The following RYR2 variants were observed in gnomAD, a reference collection of about 807,000 sequenced individuals.
The protein encoded by RYR2 is cardiac muscle ryanodine receptor-calcium release channel.
RYR2 carries 227 observed loss-of-function variants against 601.1 expected under a neutral mutation model. That is an observed-to-expected ratio of 0.38 (90% CI 0.34 to 0.42). The LOEUF (loss-of-function observed/expected upper bound fraction) is 0.42. Ranked by LOEUF, RYR2 falls within the 10% of genes least tolerant of loss-of-function variation. The pLI is 1.00. For synonymous variants in RYR2, 2,223 were observed against 2,175.1 expected (o/e 1.02, Z -0.61); for missense variants, 4,646 against 6,156.5 (o/e 0.75, Z 8.21).
intron 55 of RYR2, among the ~76,000 whole-genome samples, chr1:237,660,603 G>A (rs1346939877): frequency 6.6e-6 from 1 of 152,078 alleles, no homozygotes; most frequent in Non-Finnish European, 1.5e-5. Context: ...TGAACAAAGC[G>A]AGGATCCCTC....
At chr1:237,211,109 CTA>C (rs770979369) in intron 1 of RYR2, among the ~76,000 whole-genome samples, 7 of 152,176 alleles carry the variant, frequency 4.6e-5, no homozygotes, top group Non-Finnish European at 1.0e-4. Flanking sequence ...GATGGCATTA[CTA>C]TATGGTGACA....
intron 1 of RYR2, among the ~76,000 whole-genome samples, chr1:237,101,299 T>TAAAA (rs374151748): frequency 3.2e-5 from 3 of 94,144 alleles, no homozygotes; most frequent in Non-Finnish European, 6.2e-5. Flanking sequence ...TTTTAGAAGT[T>TAAAA]AAAAAAAAAA....
intron 11 of RYR2, among the ~76,000 whole-genome samples, chr1:237,419,554 G>A (rs1705351862): frequency 6.6e-6 from 1 of 152,082 alleles, no homozygotes; most frequent in Admixed American, 6.6e-5. Flanking sequence ...CTGGGGAAAG[G>A]GAATGCTACT....
intron 70 of RYR2, among the ~76,000 whole-genome samples, chr1:237,710,797 A>T (rs1424362023): frequency 6.6e-6 from 1 of 152,072 alleles, no homozygotes; most frequent in African/African-American, 2.4e-5. Context: ...GCACAGCTGC[A>T]TCCCAGCCTG....
chr1:237,700,249 T>C lies in RYR2; in HGVS notation c.9149T>C (p.Leu3050Pro). 2 of 1,570,782 alleles carry C rather than the reference T, an allele frequency of 1.3e-6. No homozygotes were observed. Among genetic ancestry groups the C allele is most frequent in the Non-Finnish European group, 1.7e-6 (2 of 1,156,414 alleles). Reference protein sequence around the residue: ...LDARTVMKTGLESVKSALRAF... With the variant: ...LDARTVMKTGPESVKSALRAF... ...TCTAGGACAGTGATGAAGACTGGCC[T>C]GGAGAGTGTTAAAAGTGCACTCAGA... The change falls in exon 65 of 105, where the codon CTG (leucine) becomes CCG (proline). Residue 3050 changes from leucine to proline, a missense_variant. Leu to Pro is a moderately conservative substitution (Grantham distance 98). Transcript: ENST00000366574.
chr1:237,785,979 C>A lies in RYR2; in HGVS notation c.13271C>A (p.Ala4424Glu). 6.3e-7 allele frequency: 1 copy of A among 1,591,312 alleles called. No homozygotes were observed. Among genetic ancestry groups the A allele is most frequent in the Non-Finnish European group, 8.6e-7 (1 of 1,167,642 alleles). Reference protein sequence around the residue: ...EVQEKFQEQKAKEEEKEEKEE... With the variant: ...EVQEKFQEQKEKEEEKEEKEE... ...ATTGACTCATTCAAGGAACAGAAGGCAAAAGAAGAAGAAAAGGAAGAAAAA... is the reference window on the plus strand; with the variant it reads ...ATTGACTCATTCAAGGAACAGAAGGAAAAAGAAGAAGAAAAGGAAGAAAAA... Residue 4424 changes from alanine (A) to glutamate (E), a missense_variant, in exon 91 of 105, where the codon GCA (alanine) becomes GAA (glutamate). Coordinates refer to ENST00000366574, the MANE Select transcript of RYR2 (RefSeq NM_001035.3).
At chr1:237,611,149 A>C (rs1297198587) in intron 36 of RYR2, among the ~76,000 whole-genome samples, 161 bp downstream of exon 36, 1 of 152,224 alleles carries the variant, frequency 6.6e-6, no homozygotes, top group East Asian at 1.9e-4. Flanking sequence ...TATTCTGCGT[A>C]TTCTAAGTTT....
intron 10 of RYR2, among the ~76,000 whole-genome samples, chr1:237,402,230 CA>C (rs5781953): frequency 7.6e-5 from 11 of 144,352 alleles, no homozygotes; most frequent in South Asian, 2.2e-4. Context: ...CTTGTCTCTA[CA>C]AAAAAAAAAA....
At chr1:237,806,348 A>G in intron 99 of RYR2, 65 bp downstream of exon 99, 2 of 1,445,956 alleles carry the variant, frequency 1.4e-6, no homozygotes, top group South Asian at 2.5e-5. Flanking sequence ...ACAAAGAAAA[A>G]TAAAACTACC....
rs1370136013 is a variant in RYR2, at chr1:237,491,881, A to G, written c.1784A>G (p.Lys595Arg). Residue 595 changes from lysine to arginine, a missense_variant, in exon 18 of 105, where the codon AAA (lysine) becomes AGA (arginine). Around this residue, in one of 17 missense-constraint regions of RYR2, gnomAD observed 1,807 missense variants for 2,088.1 expected, o/e 0.87. Coordinates refer to ENST00000366574, the MANE Select transcript of RYR2 (RefSeq NM_001035.3). ...ALNIIKEGHI[K>R]SIISLLDKHG... ...AATATTATTAAAGAAGGACATATTA[A>G]ATCTATTATCTCACTTTTAGACAAA... is the stretch of plus-strand genomic sequence containing the variant. The G allele has an allele frequency of 1.4e-6, 2 of 1,451,056 alleles. No individual in the cohort carries two copies. Among genetic ancestry groups the G allele is most frequent in the Non-Finnish European group, 1.9e-6 (2 of 1,054,066 alleles). 89.9% of individuals were successfully genotyped at this position (1,451,056 alleles called of 1,614,324 possible). A position where few individuals can be genotyped will look rare whatever the true frequency, so the allele number is the denominator to read the frequency against.
Position 237,314,367 on chromosome 1 carries a change from A to G in RYR2, c.169-16511A>G, listed in dbSNP as rs371952615. Among the ~76,000 whole-genome samples, 17 of 152,254 alleles carry G rather than the reference A, an allele frequency of 1.1e-4. No individual in the cohort carries two copies. In the East Asian group the frequency reaches 1.5e-3, roughly 14 times the overall value. On this transcript the variant is annotated intron_variant, in intron 2 of 104. Transcript: ENST00000366574. The stretch of plus-strand genomic sequence containing the variant: ...GCGTGAGCCACCATGCCCGGCCAAC[A>G]TGAATTTCAAAGGCAAAAATGCTTT...
At chr1:237,590,332 A>G (rs984806961) in intron 30 of RYR2, among the ~76,000 whole-genome samples, 10 of 152,100 alleles carry the variant, frequency 6.6e-5, no homozygotes, top group Admixed American at 1.3e-4. Context: ...CCATTCTCAT[A>G]TTAGTTACGT....
At chr1:237,287,199 C>T (rs1691663002) in intron 2 of RYR2, among the ~76,000 whole-genome samples, 1 of 151,902 alleles carries the variant, frequency 6.6e-6, no homozygotes, top group Non-Finnish European at 1.5e-5. Flanking sequence ...GATAGGTTTT[C>T]CTTTATAGGC....
intron 1 of RYR2, among the ~76,000 whole-genome samples, chr1:237,211,299 T>C (rs1682546655): frequency 6.6e-6 from 1 of 152,206 alleles, no homozygotes. Flanking sequence ...TTTGACTATA[T>C]GTGTACAAGT....
intron 17 of RYR2, among the ~76,000 whole-genome samples, chr1:237,488,324 T>C (rs1037488885): frequency 9.2e-5 from 14 of 152,208 alleles, no homozygotes; most frequent in Admixed American, 7.9e-4. Flanking sequence ...TTCTAGATTC[T>C]GGGAAGTCCA....
At position 237,364,379 on chromosome 1, in the gene RYR2, CATCTT is replaced by C. The variant is rs779631412; in HGVS notation, c.309+9_309+13del. The C allele has an allele frequency of 2.2e-5, 34 of 1,522,492 alleles. No homozygotes were observed. In the Middle Eastern group the frequency reaches 5.1e-4, roughly 23 times the overall value. The allele number at this position is 1,522,492 out of a possible 1,614,324, so 94.3% of individuals were successfully genotyped here. A position where few individuals can be genotyped will look rare whatever the true frequency, so the allele number is the denominator to read the frequency against. On this transcript the variant is annotated splice_region_variant and intron_variant, in intron 5 of 104. Coordinates refer to ENST00000366574, the MANE Select transcript of RYR2 (RefSeq NM_001035.3). ...ACAGAAATTCATGATGAAGGTAAGA[CATCTT>C]AATATATATGCTATGTATATATATA...
Position 237,778,774 on chromosome 1 carries a change from A to T in RYR2, c.11880+4A>T. On this transcript the variant is annotated splice_donor_region_variant and intron_variant, in intron 88 of 104. Coordinates refer to ENST00000366574, the MANE Select transcript of RYR2 (RefSeq NM_001035.3). ...TATGCAGATGAAGCTGTCGCAGGTAAACTAACTAACTGCCTTCCTCTCTCT... is the reference window on the plus strand; with the variant it reads ...TATGCAGATGAAGCTGTCGCAGGTATACTAACTAACTGCCTTCCTCTCTCT... 6.9e-7 allele frequency: 1 copy of T among 1,448,242 alleles called. No homozygotes were observed. The highest frequency in any genetic ancestry group is 9.7e-7 in the Non-Finnish European group (1 of 1,028,992). The allele number at this position is 1,448,242 out of a possible 1,614,324, so 89.7% of individuals were successfully genotyped here.
chr1:237,750,818 A>T (rs549760469), intron 80 of RYR2, among the ~76,000 whole-genome samples: 1 of 152,292 alleles, frequency 6.6e-6, no homozygotes, highest in South Asian at 2.1e-4. Flanking sequence ...TATCTGGAAG[A>T]ATTGAAGAAA....
intron 1 of RYR2, among the ~76,000 whole-genome samples, chr1:237,052,779 C>CA (rs1661448881): frequency 6.6e-6 from 1 of 151,948 alleles, no homozygotes; most frequent in African/African-American, 2.4e-5. Flanking sequence ...GTAACAGAAA[C>CA]ATACACACAC....
Sources: gnomAD v4.1 joint callset for allele counts (sites outside exome capture counted in the v4.1 genomes callset) on GRCh38, gnomAD v4.1.1 for gene constraint, gnomAD v4.1.1 regional missense constraint, MANE v1.5 for transcripts, NCBI Gene and HGNC (gene_info 2026-07-23, HGNC 2026-07-21) for gene names.